The following PTPN14 variants were observed in gnomAD, a reference collection of about 807,000 sequenced individuals.
PTPN14 encodes protein tyrosine phosphatase non-receptor type 14.
In PTPN14, 53 loss-of-function variants were observed where a neutral mutation model predicts 126.8. The observed-to-expected ratio is 0.42, with a 90% CI of 0.34 to 0.53. PTPN14 has a LOEUF of 0.53. Among genes scored for constraint, PTPN14 ranks in the 20% least tolerant of loss-of-function variants. The pLI is 0.08. For missense variants in PTPN14, 1,257 were observed against 1,552.9 expected, an observed-to-expected ratio of 0.81 and a Z score of 3.20; for synonymous variants, 630 against 599.3, an observed-to-expected ratio of 1.05 and a Z score of -0.75.
chr1:214,420,081 A>G (rs982703150), intron 3 of PTPN14, among the ~76,000 whole-genome samples: 12 of 152,252 alleles, frequency 7.9e-5, no homozygotes, highest in Non-Finnish European at 1.8e-4. Context: ...ACAGTCAATT[A>G]AAAGTCTGCA....
chr1:214,414,673 C>G lies in PTPN14; in HGVS notation c.398G>C (p.Cys133Ser). 6.2e-7 allele frequency: 1 copy of G among 1,614,122 alleles called. No homozygotes were observed. The highest frequency in any genetic ancestry group is 8.5e-7 in the Non-Finnish European group (1 of 1,179,968). Residue 133 changes from cysteine (C) to serine (S), a missense_variant, in exon 4 of 19, where the codon TGT becomes TCT. Physicochemically the swap from Cys to Ser is moderately radical, Grantham distance 112 (BLOSUM62 -1). Around this residue, in one of 3 missense-constraint regions of PTPN14, gnomAD observed 1,021 missense variants for 1,183.3 expected, o/e 0.86. Transcript: ENST00000366956. ...TAGCCGAATCACCTGGTCCAATGTA[C>G]ATCGTAATCGCCCTTCAAGCACATC... ...KKDVLEGRLR[C>S]TLDQVIRLAG...
chr1:214,482,678 A>ATAG (rs1354070530), intron 1 of PTPN14: 1 of 887,702 alleles, frequency 1.1e-6, no homozygotes, highest in Non-Finnish European at 1.7e-6. Context: ...CAACTTCTAT[A>ATAG]TAGTACCTTG....
intron 1 of PTPN14, among the ~76,000 whole-genome samples, chr1:214,493,717 G>A (rs1373223737): frequency 6.6e-6 from 1 of 152,068 alleles, no homozygotes; most frequent in Admixed American, 6.6e-5. Context: ...ACTGACCCAG[G>A]TTAAACACAC....
At chr1:214,426,030 C>A (rs1174914785) in intron 3 of PTPN14, among the ~76,000 whole-genome samples, 1 of 10,184 alleles carries the variant, frequency 9.8e-5, no homozygotes, top group East Asian at 2.2e-3. Flanking sequence ...GAGCATAAAT[C>A]GCAAAAAAAA....
Position 214,378,122 on chromosome 1 carries a change from T to G in PTPN14, c.2545-20A>C, listed in dbSNP as rs902449280. The G allele has an allele frequency of 3.1e-6, 5 of 1,599,876 alleles. No individual in the cohort carries two copies. Among genetic ancestry groups the G allele is most frequent in the Non-Finnish European group, 8.5e-7 (1 of 1,174,838 alleles). On this transcript the variant is annotated intron_variant, in intron 13 of 18. Coordinates refer to ENST00000366956, the MANE Select transcript of PTPN14 (RefSeq NM_005401.5). ...TAGATTCTTGCGGCAAGAAAAGGCA[T>G]GTGCTCATTGTTTATAATACTAGTA...
chr1:214,537,192 A>G (rs572063063), intron 1 of PTPN14, among the ~76,000 whole-genome samples: 7 of 152,306 alleles, frequency 4.6e-5, no homozygotes, highest in African/African-American at 1.7e-4. Flanking sequence ...TGGAACATCA[A>G]TGGTTTTTAC....
intron 1 of PTPN14, among the ~76,000 whole-genome samples, chr1:214,547,462 C>T (rs973902211): frequency 6.6e-6 from 1 of 152,142 alleles, no homozygotes; most frequent in Non-Finnish European, 1.5e-5. Flanking sequence ...GAGGTTGATA[C>T]GAAGATCTAT....
intron 1 of PTPN14, among the ~76,000 whole-genome samples, chr1:214,465,951 C>CTTTTTTCTTTTTTTTTTTT (rs1660625445): frequency 1.7e-5 from 1 of 59,024 alleles, no homozygotes; most frequent in Non-Finnish European, 2.9e-5. Context: ...CAGTTACTTC[C>CTTTTTTCTTTTTTTTTTTT]TTTTTTTTTT....
At chr1:214,475,216 A>T (rs1660843268) in intron 1 of PTPN14, among the ~76,000 whole-genome samples, 1 of 152,226 alleles carries the variant, frequency 6.6e-6, no homozygotes, top group Admixed American at 6.5e-5. Context: ...AACAGATAAC[A>T]GTGCTCACTA....
intron 2 of PTPN14, among the ~76,000 whole-genome samples, chr1:214,458,649 AGAACCAG>A (rs1342843313): frequency 5.3e-5 from 8 of 152,234 alleles, no homozygotes; most frequent in African/African-American, 9.6e-5. Context: ...AGTAAATGGC[AGAACCAG>A]GATTCAAACT....
At chr1:214,494,725 GA>G (rs1661322919) in intron 1 of PTPN14, among the ~76,000 whole-genome samples, 1 of 152,154 alleles carries the variant, frequency 6.6e-6, no homozygotes, top group Non-Finnish European at 1.5e-5. Flanking sequence ...ACGTCTAAAG[GA>G]AGAGTGGCCT....
intron 2 of PTPN14, among the ~76,000 whole-genome samples, chr1:214,462,072 A>G (rs1485113376): frequency 1.3e-5 from 2 of 152,156 alleles, no homozygotes; most frequent in Non-Finnish European, 2.9e-5. Context: ...CTGATTCCCA[A>G]AAGGGCACAA....
At chr1:214,490,041 A>G (rs948796281) in intron 1 of PTPN14, among the ~76,000 whole-genome samples, 4 of 152,192 alleles carry the variant, frequency 2.6e-5, no homozygotes, top group Non-Finnish European at 5.9e-5. Flanking sequence ...GCCAAAGCCA[A>G]TCCTCTTATA....
At chr1:214,508,698 A>G (rs1654899906) in intron 1 of PTPN14, among the ~76,000 whole-genome samples, 1 of 152,194 alleles carries the variant, frequency 6.6e-6, no homozygotes, top group African/African-American at 2.4e-5. Context: ...CTCTGCCCAG[A>G]TCCATCACAG....
chr1:214,415,063 AACACG>A lies in PTPN14; in HGVS notation c.345-342_345-338del, dbSNP rs369885496. On this transcript the variant is annotated intron_variant, in intron 3 of 18. Coordinates refer to ENST00000366956, the MANE Select transcript of PTPN14 (RefSeq NM_005401.5). ...TTTTGCACACCTGGAGACCCACGACAACACGACTGCCAAAGCTACACTCAACAGTG... is the reference window on the plus strand; with the variant it reads ...TTTTGCACACCTGGAGACCCACGACAACTGCCAAAGCTACACTCAACAGTG... 6.1e-3 allele frequency among the ~76,000 whole-genome samples: 931 copies of A among 152,310 alleles called. 8 individuals are homozygous for A. The highest frequency in any genetic ancestry group is 0.021 in the African/African-American group (870 of 41,554).
At chr1:214,496,445 A>G (rs1654515647) in intron 1 of PTPN14, among the ~76,000 whole-genome samples, 1 of 152,058 alleles carries the variant, frequency 6.6e-6, no homozygotes, top group Non-Finnish European at 1.5e-5. Flanking sequence ...ACCCATACCA[A>G]CTCACTGAAA....
chr1:214,377,865 C>A, intron 14 of PTPN14, 94 bp downstream of exon 14: 1 of 1,443,990 alleles, frequency 6.9e-7, no homozygotes, highest in Non-Finnish European at 9.4e-7. Flanking sequence ...GAATGCATCA[C>A]ACAAATCTCA....
intron 1 of PTPN14, among the ~76,000 whole-genome samples, chr1:214,498,817 T>A: frequency 6.6e-6 from 1 of 152,108 alleles, no homozygotes; most frequent in Admixed American, 6.6e-5. Context: ...AGATCCTTGT[T>A]CTGATTTAAG....
At chr1:214,532,858 A>G in intron 1 of PTPN14, 1 of 1,035,186 alleles carries the variant, frequency 9.7e-7, no homozygotes, top group Non-Finnish European at 1.5e-6. Context: ...ACAAGCCCAG[A>G]TTGCCAGCTC....
Sources: gnomAD v4.1 joint callset for allele counts (sites outside exome capture counted in the v4.1 genomes callset) on GRCh38, gnomAD v4.1.1 for gene constraint, gnomAD v4.1.1 regional missense constraint, MANE v1.5 for transcripts, NCBI Gene and HGNC (gene_info 2026-07-23, HGNC 2026-07-21) for gene names.